CROCC2: variants seen among roughly 807,000 people sequenced by gnomAD.
CROCC2 encodes ciliary rootlet coiled-coil protein 2.
In CROCC2, 163 loss-of-function variants were observed where a neutral mutation model predicts 177.6. The ratio of observed to expected loss-of-function variants is 0.92; its 90% CI spans 0.81 to 1.05. The LOEUF is 1.05. Among genes scored for constraint, CROCC2 ranks in the 50% least tolerant of loss-of-function variants. The probability of loss-of-function intolerance (pLI) is 0.00; values close to 1 mark genes in which losing one functional copy is unlikely to be tolerated. For synonymous variants in CROCC2, 904 were observed against 787.3 expected, an observed-to-expected ratio of 1.15 and a Z score of -2.48; for missense variants, 1,929 against 1,797.8, an observed-to-expected ratio of 1.07 and a Z score of -1.32.
At chr2:240,986,756 A>C (rs1289308623) in intron 28 of CROCC2, among the ~76,000 whole-genome samples, 1 of 152,214 alleles carries the variant, frequency 6.6e-6, no homozygotes, top group African/African-American at 2.4e-5. Flanking sequence ...GTGCCCACAC[A>C]GCCACCCAGG....
intron 1 of CROCC2, among the ~76,000 whole-genome samples, chr2:240,913,791 C>T (rs2059301980): frequency 6.6e-6 from 1 of 152,282 alleles, no homozygotes; most frequent in African/African-American, 2.4e-5. Context: ...ATCCCAGGCA[C>T]AGAGAAGCTC....
At chr2:240,920,199 C>T (rs988594349) in intron 3 of CROCC2, 65 bp downstream of exon 3, 24 of 600,538 alleles carry the variant, frequency 4.0e-5, no homozygotes, top group South Asian at 5.8e-5. Flanking sequence ...TGAGGGGTCA[C>T]TTGTCGGGAC....
At chr2:240,922,946 C>T (rs1232811255) in intron 4 of CROCC2, among the ~76,000 whole-genome samples, 4 of 152,098 alleles carry the variant, frequency 2.6e-5, no homozygotes, top group African/African-American at 9.7e-5. Context: ...CACTCAGCCT[C>T]CTGGGCTCAG....
intron 20 of CROCC2, among the ~76,000 whole-genome samples, chr2:240,962,034 G>A (rs62186598): frequency 1.6e-3 from 40 of 24,978 alleles, no homozygotes; most frequent in Non-Finnish European, 3.4e-3. Context: ...ACACACGCAC[G>A]CACACACGCG....
intron 28 of CROCC2, among the ~76,000 whole-genome samples, chr2:240,985,650 ACACACCCAG>A (rs1450061212): frequency 2.0e-5 from 2 of 102,056 alleles, no homozygotes; most frequent in African/African-American, 4.2e-5. Flanking sequence ...CTCACTCCAC[ACACACCCAG>A]CACACACACC....
chr2:240,912,343 G>A (rs1417527362), intron 1 of CROCC2, among the ~76,000 whole-genome samples: 2 of 152,298 alleles, frequency 1.3e-5, no homozygotes, highest in South Asian at 2.1e-4. Context: ...CCCCACCTCA[G>A]ATGCCAATCA....
chr2:240,942,428 C>A (rs1181152505), intron 14 of CROCC2, among the ~76,000 whole-genome samples: 1 of 152,078 alleles, frequency 6.6e-6, no homozygotes, highest in Non-Finnish European at 1.5e-5. Flanking sequence ...ACATCTGGAT[C>A]CCCTAATGAG....
chr2:240,949,426 C>A lies in CROCC2; in HGVS notation c.2483-107C>A, dbSNP rs2059540594. 7.3e-7 allele frequency: 1 copy of A among 1,362,778 alleles called. No homozygotes were observed. The highest frequency in any genetic ancestry group is 1.0e-6 in the Non-Finnish European group (1 of 1,000,816). 84.4% of individuals were successfully genotyped at this position (1,362,778 alleles called of 1,614,324 possible). On this transcript the variant is annotated intron_variant, in intron 16 of 31. Coordinates refer to ENST00000690015, the MANE Select transcript of CROCC2 (RefSeq NM_001351305.2). The surrounding 1 kb of genome is among the most constrained non-coding windows in gnomAD (Gnocchi z 4.5). ...TGTGCTGGCCACCCACTCCCGGAGCCTGGAGTGGACAGTGCTTGCCCCCAA... is the reference window on the plus strand; with the variant it reads ...TGTGCTGGCCACCCACTCCCGGAGCATGGAGTGGACAGTGCTTGCCCCCAA...
chr2:240,946,581 A>G (rs2059526269), intron 15 of CROCC2, among the ~76,000 whole-genome samples: 1 of 152,206 alleles, frequency 6.6e-6, no homozygotes, highest in Non-Finnish European at 1.5e-5. Context: ...AACTTCAGGT[A>G]TGGCTGGATT....
At chr2:240,939,210 A>G (rs1236169655) in intron 14 of CROCC2, among the ~76,000 whole-genome samples, 3 of 152,156 alleles carry the variant, frequency 2.0e-5, no homozygotes, top group Non-Finnish European at 4.4e-5. Context: ...TTAAAAAATT[A>G]TAAATGGGTA....
chr2:240,947,316 G>A (rs1032270133), intron 15 of CROCC2, among the ~76,000 whole-genome samples: 5 of 152,178 alleles, frequency 3.3e-5, no homozygotes, highest in African/African-American at 1.2e-4. Context: ...CGGGGTGGAG[G>A]TCCCTTTCCT....
rs77206842 is a variant in CROCC2 at position 240,910,414 on chromosome 2, A to C, written c.78+3823A>C. 6.6e-3 allele frequency among the ~76,000 whole-genome samples: 983 copies of C among 148,564 alleles called. 64 individuals are homozygous for C. In the East Asian group the frequency reaches 0.16, roughly 23 times the overall value. On this transcript the variant is annotated intron_variant, in intron 1 of 31. Transcript: ENST00000690015. ...GAATTTTGATTTGTGCTATTTTTCTAGGAAATTGTCCATTACATCCAAATT... is the reference window on the plus strand; with the variant it reads ...GAATTTTGATTTGTGCTATTTTTCTCGGAAATTGTCCATTACATCCAAATT...
intron 26 of CROCC2, chr2:240,967,713 G>C: frequency 2.3e-6 from 1 of 440,198 alleles, no homozygotes; most frequent in Non-Finnish European, 3.0e-6. Context: ...CTCCCGATCC[G>C]GCCCCCAGCA....
intron 15 of CROCC2, 138 bp from the exon 16 acceptor site, chr2:240,948,841 G>A: frequency 1.3e-6 from 1 of 785,162 alleles, no homozygotes; most frequent in Non-Finnish European, 2.1e-6. Context: ...CTCCAGAGAT[G>A]CACCATAATT....
rs1184132746 is a variant in CROCC2, at chr2:240,950,913, A to ATCCATCCACCCATTTACCT, written c.2829+403_2829+404insTCCATCCACCCATTTACCT. ...CATCCATTTATCCATCCATCCATCC[A>ATCCATCCACCCATTTACCT]GCCATCCATCCACCCATTTACCTGC... On this transcript the variant is annotated intron_variant, in intron 18 of 31. Transcript: ENST00000690015. The ATCCATCCACCCATTTACCT allele has an allele frequency of 1.9e-5, 3 of 157,876 alleles. No homozygotes were observed. In the East Asian group the frequency reaches 5.1e-4, roughly 27 times the overall value. The allele number at this position is 157,876 out of a possible 1,614,324, so 9.8% of individuals were successfully genotyped here. A position where few individuals can be genotyped will look rare whatever the true frequency, so the allele number is the denominator to read the frequency against.
chr2:240,992,554 G>A (rs190121640), intron 31 of CROCC2, among the ~76,000 whole-genome samples: 88 of 152,360 alleles, frequency 5.8e-4, no homozygotes, highest in African/African-American at 2.0e-3. Flanking sequence ...TGTTACCTCT[G>A]CCTGATTGTT....
chr2:240,982,753 T>G lies in CROCC2; in HGVS notation c.4402-127T>G. 1.3e-6 allele frequency: 1 copy of G among 768,256 alleles called. No homozygotes were observed. Among genetic ancestry groups the G allele is most frequent in the South Asian group, 1.9e-5 (1 of 52,014 alleles). 47.6% of individuals were successfully genotyped at this position (768,256 alleles called of 1,614,324 possible). On this transcript the variant is annotated intron_variant, in intron 27 of 31. Transcript: ENST00000690015. This position sits in a 1 kb window ranked among gnomAD's most constrained non-coding sequence, Gnocchi z 4.7. ...TTCAGGTTGTCCTTAACCACGTTCT[T>G]GCTGTTTTCATCCCAGCGATACGGT...
chr2:240,929,748 G>C (rs1289846312), intron 5 of CROCC2: 2 of 464,706 alleles, frequency 4.3e-6, no homozygotes, highest in African/African-American at 4.0e-5. Flanking sequence ...TTCCATTGGA[G>C]TGGCAGGGCA....
rs1051996268 is a variant in CROCC2, at chr2:240,958,186, G to A, written c.2944-1115G>A. On this transcript the variant is annotated intron_variant, in intron 19 of 31. Coordinates refer to ENST00000690015, the MANE Select transcript of CROCC2 (RefSeq NM_001351305.2). The surrounding 1 kb of genome is among the most constrained non-coding windows in gnomAD (Gnocchi z 6.7). ...ACCAGGCGCCAGATGACAGGACAGC[G>A]TGCGCCCCTAGGCTGAGTCACCACT... is the stretch of plus-strand genomic sequence containing the variant. 55 of 985,196 alleles carry A rather than the reference G, an allele frequency of 5.6e-5. No individual in the cohort carries two copies. The highest frequency in any genetic ancestry group is 2.3e-4 in the East Asian group (2 of 8,806). 61.0% of individuals were successfully genotyped at this position (985,196 alleles called of 1,614,324 possible).
Sources: allele counts gnomAD v4.1 joint callset (sites outside exome capture counted in the v4.1 genomes callset), GRCh38; gene constraint gnomAD v4.1.1; non-coding constraint Gnocchi (gnomAD v3.1); transcripts MANE v1.5; gene names NCBI Gene and HGNC (gene_info 2026-07-23, HGNC 2026-07-21).